Variants in ZNF782 observed in about 807,000 individuals in gnomAD.
ZNF782 encodes zinc finger protein 782.
Under a neutral mutation model 13.0 loss-of-function variants are expected in ZNF782, and 12 were observed. That is an observed-to-expected ratio of 0.92 (90% CI 0.59 to 1.50). The LOEUF (loss-of-function observed/expected upper bound fraction) is 1.50. ZNF782 is among the 40% of genes most tolerant of loss of function. ZNF782 has a pLI of 0.00. For synonymous variants in ZNF782, 284 were observed against 283.0 expected (o/e 1.00, Z -0.04); for missense variants, 770 against 822.9 (o/e 0.94, Z 0.79).
the ZNF782 span, among the ~76,000 whole-genome samples, chr9:96,911,971 G>A: frequency 4.6e-5 from 7 of 151,852 alleles, no homozygotes; most frequent in African/African-American, 7.2e-5. Flanking sequence ...AGGCCGAGGC[G>A]GGCAGATCAT....
chr9:96,866,878 C>T (rs1851760715), intron 1 of ZNF782, among the ~76,000 whole-genome samples: 2 of 152,208 alleles, frequency 1.3e-5, no homozygotes, highest in Admixed American at 6.5e-5. Flanking sequence ...TCGGACTTGC[C>T]TGGGGCCTGT....
intron 1 of ZNF782, among the ~76,000 whole-genome samples, chr9:96,874,371 C>A (rs1005111315): frequency 6.6e-6 from 1 of 152,060 alleles, no homozygotes; most frequent in Admixed American, 6.5e-5. Flanking sequence ...ACTAGTGTCA[C>A]GTGGTTATGG....
chr9:96,855,356 G>A (rs1384977643), upstream of ZNF782, among the ~76,000 whole-genome samples: 4 of 152,220 alleles, frequency 2.6e-5, no homozygotes, highest in African/African-American at 9.6e-5. Context: ...CCCATCACCT[G>A]AGCAGTATAC....
At chr9:96,849,253 T>A (rs1851425643) in intron 3 of ZNF782, among the ~76,000 whole-genome samples, 1 of 152,170 alleles carries the variant, frequency 6.6e-6, no homozygotes, top group African/African-American at 2.4e-5. Flanking sequence ...CCAATCTAGA[T>A]CCCTTGCATG....
chr9:96,856,395 C>A (rs533509273), upstream of ZNF782, among the ~76,000 whole-genome samples: 1 of 152,282 alleles, frequency 6.6e-6, no homozygotes, highest in South Asian at 2.1e-4. Context: ...TCTAAGCTAC[C>A]AACCTCAAAA....
upstream of ZNF782, among the ~76,000 whole-genome samples, chr9:96,879,638 T>C (rs1159067353): frequency 6.6e-6 from 1 of 152,174 alleles, no homozygotes; most frequent in African/African-American, 2.4e-5. Context: ...AGGGTTGATG[T>C]GAGGGGAAGG....
intron 4 of ZNF782, among the ~76,000 whole-genome samples, chr9:96,837,577 TTA>T (rs1323498351): frequency 6.6e-6 from 1 of 152,176 alleles, no homozygotes; most frequent in Non-Finnish European, 1.5e-5. Context: ...AGGTTTAGGT[TTA>T]GTTTGCTCTT....
the ZNF782 span, among the ~76,000 whole-genome samples, chr9:96,911,568 G>A: frequency 0.013 from 1,855 of 143,114 alleles, 4 homozygotes; most frequent in Non-Finnish European, 0.019. Context: ...TCTCCCAGGC[G>A]GGAGTGCAGT....
At chr9:96,916,704 C>T in the ZNF782 span, among the ~76,000 whole-genome samples, 1 of 151,628 alleles carries the variant, frequency 6.6e-6, no homozygotes, top group Non-Finnish European at 1.5e-5. Flanking sequence ...GAGGCCTTTG[C>T]GGAGGCTGGG....
chr9:96,881,073 C>T, the ZNF782 span, among the ~76,000 whole-genome samples: 3 of 152,076 alleles, frequency 2.0e-5, no homozygotes, highest in Non-Finnish European at 4.4e-5. Context: ...ATATTATTCA[C>T]TTATTAAGCT....
chr9:96,833,091 T>C (rs1464925731), intron 4 of ZNF782, among the ~76,000 whole-genome samples: 1 of 152,178 alleles, frequency 6.6e-6, no homozygotes, highest in East Asian at 1.9e-4. Context: ...GCTGTGCACA[T>C]GTAATGATTT....
intron 5 of ZNF782, among the ~76,000 whole-genome samples, chr9:96,820,167 CAAA>C (rs1850361746): frequency 6.6e-6 from 1 of 152,092 alleles, no homozygotes; most frequent in Admixed American, 6.5e-5. Context: ...ATAACAACAA[CAAA>C]AATCAATGGA....
the ZNF782 span, among the ~76,000 whole-genome samples, chr9:96,918,447 GA>G: frequency 6.6e-6 from 1 of 151,048 alleles, no homozygotes; most frequent in African/African-American, 2.4e-5. Flanking sequence ...TGAGTAAGGA[GA>G]AAGCAGTTTA....
intron 5 of ZNF782, among the ~76,000 whole-genome samples, chr9:96,825,337 A>G (rs1850580964): frequency 1.3e-5 from 2 of 149,418 alleles, no homozygotes; most frequent in African/African-American, 2.4e-5. Context: ...TGGTGCTGGG[A>G]AAACTGGCTA....
At chr9:96,917,889 T>C in the ZNF782 span, among the ~76,000 whole-genome samples, 2,938 of 123,964 alleles carry the variant, frequency 0.024, 170 homozygotes, top group East Asian at 0.26. Flanking sequence ...ACCCTTGGCG[T>C]GTGTGTGTGT....
At chr9:96,859,244 G>A (rs184121231), upstream of ZNF782, among the ~76,000 whole-genome samples, 324 of 152,294 alleles carry the variant, frequency 2.1e-3, 3 homozygotes, top group African/African-American at 7.3e-3. Flanking sequence ...GTGCTGTGCC[G>A]CGCTTGGAGC....
At chr9:96,884,366 C>T in the ZNF782 span, among the ~76,000 whole-genome samples, 4 of 152,192 alleles carry the variant, frequency 2.6e-5, no homozygotes, top group Non-Finnish European at 5.9e-5. Context: ...CATGAAGGTC[C>T]ATTGGGTGCT....
At chr9:96,881,861 CTTTGT>C in the ZNF782 span, among the ~76,000 whole-genome samples, 17 of 151,946 alleles carry the variant, frequency 1.1e-4, no homozygotes, top group Middle Eastern at 3.4e-3. Context: ...AATCCTCTAG[CTTTGT>C]TTTATTTCAT....
At chr9:96,901,616 G>C in the ZNF782 span, among the ~76,000 whole-genome samples, 1 of 151,748 alleles carries the variant, frequency 6.6e-6, no homozygotes, top group African/African-American at 2.4e-5. Flanking sequence ...TCCTAGGGCT[G>C]GTTATTGCTG....
Sources: allele counts gnomAD v4.1 joint callset (sites outside exome capture counted in the v4.1 genomes callset), GRCh38; gene constraint gnomAD v4.1.1; transcripts MANE v1.5; gene names NCBI Gene and HGNC (gene_info 2026-07-23, HGNC 2026-07-21).